The following SLC12A5 variants were observed in gnomAD, a reference collection of about 807,000 sequenced individuals.
The protein encoded by SLC12A5 is K-Cl cotransporter 2.
Under a neutral mutation model 124.0 loss-of-function variants are expected in SLC12A5, and 18 were observed. That is an observed-to-expected ratio of 0.15 (90% confidence interval 0.10 to 0.22). The LOEUF is 0.22. Among genes scored for constraint, SLC12A5 ranks in the 10% least tolerant of loss-of-function variants. The pLI is 1.00. For synonymous variants in SLC12A5, 589 were observed against 568.0 expected, an observed-to-expected ratio of 1.04 and a Z score of -0.53; for missense variants, 867 against 1,478.7, an observed-to-expected ratio of 0.59 and a Z score of 6.78.
intron 1 of SLC12A5, among the ~76,000 whole-genome samples, chr20:46,031,626 C>T (rs75473638): frequency 8.6e-4 from 131 of 152,318 alleles, no homozygotes; most frequent in Admixed American, 1.5e-3. Context: ...TGGGGTCTGA[C>T]GCCCCGTCTC....
At chr20:46,027,935 G>A (rs1292547321), upstream of SLC12A5, 2 of 152,164 alleles carry the variant, frequency 1.3e-5, no homozygotes, top group African/African-American at 4.8e-5. Flanking sequence ...AACTTTTCTG[G>A]AACTTAGAGA....
rs763770312 is a variant in SLC12A5, at chr20:46,046,450, C to T, written c.1787+14C>T. The T allele has an allele frequency of 6.2e-7, 1 of 1,609,424 alleles. No homozygotes were observed. The highest frequency in any genetic ancestry group is 8.5e-7 in the Non-Finnish European group (1 of 1,175,766). ...ATATTACCACTGGTGGGTGCTCTGT[C>T]CCCACACTTCCACTGAGCCACTTGC... On this transcript the variant is annotated intron_variant, in intron 14 of 25. Transcript: ENST00000243964.
At position 46,058,105 on chromosome 20, in the gene SLC12A5, C is replaced by T. The variant is rs998073449; in HGVS notation, c.*500C>T. ...TTCTCGCCGAGCCGTGGGGCGCGGGCGGCCGAGCCTATACATAGTGTACAG... is the reference window on the plus strand; with the variant it reads ...TTCTCGCCGAGCCGTGGGGCGCGGGTGGCCGAGCCTATACATAGTGTACAG... On this transcript the variant is annotated 3_prime_UTR_variant, in exon 26 of 26. Transcript: ENST00000243964. The surrounding 1 kb of genome is among the most constrained non-coding windows in gnomAD (Gnocchi z 5.8). The T allele has an allele frequency of 5.4e-5, 10 of 184,484 alleles. No homozygotes were observed. The highest frequency in any genetic ancestry group is 1.5e-4 in the East Asian group (1 of 6,782). 11.4% of individuals were successfully genotyped at this position (184,484 alleles called of 1,614,324 possible). A position where few individuals can be genotyped will look rare whatever the true frequency, so the allele number is the denominator to read the frequency against.
In SLC12A5 at chr20:46,046,043, C is replaced by A. The variant is rs6032633; in HGVS notation, c.1688+47C>A. 4 of 1,559,228 alleles carry A rather than the reference C, an allele frequency of 2.6e-6. No individual in the cohort carries two copies. The Admixed American group carries it at 5.0e-5, about 20-fold the overall frequency. ...CTCCCCCCTGGTTCAGGGTGTTTCT[C>A]TATCTGAATCCTGCAGCCGTTACCT... On this transcript the variant is annotated intron_variant, in intron 13 of 25. Transcript: ENST00000243964.
At chr20:46,032,683 G>A (rs1221566898) in intron 1 of SLC12A5, among the ~76,000 whole-genome samples, 1 of 152,180 alleles carries the variant, frequency 6.6e-6, no homozygotes, top group East Asian at 1.9e-4. Flanking sequence ...CAGTGAAGCT[G>A]GGACTGGAAT....
intron 21 of SLC12A5, 151 bp from the exon 22 acceptor site, chr20:46,055,999 G>A (rs2084687459): frequency 9.4e-7 from 1 of 1,065,110 alleles, no homozygotes. Flanking sequence ...TGGTGCAGTA[G>A]CTATTTGGTC....
In SLC12A5 at chr20:46,058,982, C is replaced by T. The variant is rs1413006812; in HGVS notation, c.*1377C>T. 2 of 366,626 alleles carry T rather than the reference C, an allele frequency of 5.5e-6. No homozygotes were observed. The highest frequency in any genetic ancestry group is 2.1e-5 in the African/African-American group (1 of 47,996). 22.7% of individuals were successfully genotyped at this position (366,626 alleles called of 1,614,324 possible). A position where few individuals can be genotyped will look rare whatever the true frequency, so the allele number is the denominator to read the frequency against. On this transcript the variant is annotated 3_prime_UTR_variant, in exon 26 of 26. Coordinates refer to ENST00000243964, the MANE Select transcript of SLC12A5 (RefSeq NM_020708.5). The surrounding 1 kb of genome is among the most constrained non-coding windows in gnomAD (Gnocchi z 5.8). ...GCTTTGTCCTTAGCGCCTGTCTGCT[C>T]TCCTCTAACTAGGACCCAGGGCCTT...
At chr20:46,039,081 T>A (rs1268486972) in intron 6 of SLC12A5, among the ~76,000 whole-genome samples, 2 of 152,194 alleles carry the variant, frequency 1.3e-5, no homozygotes, top group African/African-American at 4.8e-5. Flanking sequence ...CCATTAACAT[T>A]TTGGTGTATT....
chr20:46,056,973 A>T lies in SLC12A5; in HGVS notation c.3125+62A>T. On this transcript the variant is annotated intron_variant, in intron 24 of 25. Transcript: ENST00000243964. This position sits in a 1 kb window ranked among gnomAD's most constrained non-coding sequence, Gnocchi z 4.3. ...GATGGCCAGGGTCCCTACCCTCCTC[A>T]CTCTGTTGTGAACCCCTAATTGGTG... is the stretch of plus-strand genomic sequence containing the variant. The T allele has an allele frequency of 6.2e-7, 1 of 1,612,260 alleles. No individual in the cohort carries two copies. Among genetic ancestry groups the T allele is most frequent in the Non-Finnish European group, 8.5e-7 (1 of 1,178,592 alleles).
chr20:46,044,606 T>C (rs4812987), intron 11 of SLC12A5, among the ~76,000 whole-genome samples: 5,292 of 152,234 alleles, frequency 0.035, 181 homozygotes, highest in Admixed American at 0.11. Flanking sequence ...CTCACTGTCC[T>C]GGAGCACTCA....
chr20:46,040,222 CT>C, intron 6 of SLC12A5, 150 bp from the exon 7 acceptor site: 1 of 1,191,942 alleles, frequency 8.4e-7, no homozygotes, highest in Non-Finnish European at 1.2e-6. Context: ...CAGGCCATGC[CT>C]TCTTTAGCGA....
chr20:46,045,250 C>T lies in SLC12A5; in HGVS notation c.1569+110C>T, dbSNP rs898734044. On this transcript the variant is annotated intron_variant, in intron 12 of 25. Transcript: ENST00000243964. The surrounding 1 kb of genome is among the most constrained non-coding windows in gnomAD (Gnocchi z 4.9). ...ACCAGCCTTAGACTACCTCCTGGGCCACTTCTGCTCTGTACTGCACTGGCC... is the reference window on the plus strand; with the variant it reads ...ACCAGCCTTAGACTACCTCCTGGGCTACTTCTGCTCTGTACTGCACTGGCC... 14 of 1,273,790 alleles carry T rather than the reference C, an allele frequency of 1.1e-5. No individual in the cohort carries two copies. Among genetic ancestry groups the T allele is most frequent in the Non-Finnish European group, 1.4e-5 (13 of 945,786 alleles). The allele number at this position is 1,273,790 out of a possible 1,614,324, so 78.9% of individuals were successfully genotyped here.
chr20:46,047,974 C>A lies in SLC12A5; in HGVS notation c.1908-7C>A. On this transcript the variant is annotated splice_polypyrimidine_tract_variant and splice_region_variant and intron_variant, in intron 15 of 25. Transcript: ENST00000243964. ...TGCTCTCATGTGATCCACTTCCCGGCTCCCAGGGCAGAGAAGGAGTGGGGC... is the reference window on the plus strand; with the variant it reads ...TGCTCTCATGTGATCCACTTCCCGGATCCCAGGGCAGAGAAGGAGTGGGGC... 1 of 1,604,976 alleles carries A rather than the reference C, an allele frequency of 6.2e-7. No individual in the cohort carries two copies. Among genetic ancestry groups the A allele is most frequent in the Non-Finnish European group, 8.5e-7 (1 of 1,175,584 alleles).
chr20:46,048,299 T>C (rs1230719486), intron 16 of SLC12A5, among the ~76,000 whole-genome samples: 1 of 152,194 alleles, frequency 6.6e-6, no homozygotes, highest in Non-Finnish European at 1.5e-5. Flanking sequence ...AATGTCCACA[T>C]ACCCCACCAT....
intron 1 of SLC12A5, among the ~76,000 whole-genome samples, chr20:46,029,925 T>C (rs1014888420): frequency 3.3e-5 from 5 of 151,092 alleles, no homozygotes; most frequent in Admixed American, 6.6e-5. Flanking sequence ...TGCGTGTGTG[T>C]GTGTGTGTGT....
chr20:46,049,529 G>A, intron 16 of SLC12A5, 93 bp from the exon 17 acceptor site: 2 of 1,470,904 alleles, frequency 1.4e-6, no homozygotes, highest in South Asian at 2.5e-5. Flanking sequence ...TGGTTATAGA[G>A]GAGAGATGGC....
At chr20:46,054,785 G>A in intron 20 of SLC12A5, 131 bp from the exon 21 acceptor site, 1 of 637,190 alleles carries the variant, frequency 1.6e-6, no homozygotes, top group Non-Finnish European at 2.8e-6. Flanking sequence ...TGATTGGGTA[G>A]GGAAGCCCTA....
chr20:46,037,161 C>A lies in SLC12A5; in HGVS notation c.482-94C>A, dbSNP rs1444125622. On this transcript the variant is annotated intron_variant, in intron 5 of 25. Transcript: ENST00000243964. ...GCCCATAAGCCTGTGAGGCCTGGAG[C>A]AACCCCCTTCTGCCTCTGTCACTGA... is the stretch of plus-strand genomic sequence containing the variant. 6.0e-6 allele frequency: 9 copies of A among 1,488,978 alleles called. No individual in the cohort carries two copies. In the African/African-American group the frequency reaches 1.1e-4, roughly 19 times the overall value. The allele number at this position is 1,488,978 out of a possible 1,614,324, so 92.2% of individuals were successfully genotyped here.
In SLC12A5 at chr20:46,035,852, C is replaced by A. The variant is rs3848724; in HGVS notation, c.355C>A (p.Arg119=). Residue 119 remains arginine, a synonymous_variant, in exon 4 of 26, where the codon CGG becomes AGG. Transcript: ENST00000243964. ...CATCTTTGGCGTCATCCTCTTCCTG[C>A]GGCTCACCTGGGTGGTGGGCATTGC... is the stretch of plus-strand genomic sequence containing the variant. ...QNIFGVILFL[R]LTWVVGIAGI... is the part of the protein sequence containing the mutation. The A allele has an allele frequency of 0.028, 44,612 of 1,614,082 alleles. 1,189 individuals carry two copies. Among genetic ancestry groups the A allele is most frequent in the Admixed American group, 0.14 (8,501 of 60,000 alleles).
Sources: gnomAD v4.1 joint callset for allele counts (sites outside exome capture counted in the v4.1 genomes callset) on GRCh38, gnomAD v4.1.1 for gene constraint, Gnocchi (gnomAD v3.1) non-coding constraint, MANE v1.5 for transcripts, NCBI Gene and HGNC (gene_info 2026-07-23, HGNC 2026-07-21) for gene names.